NKAIN2: variants seen among roughly 807,000 people sequenced by gnomAD.
The protein encoded by NKAIN2 is sodium/potassium-transporting ATPase subunit beta-1-interacting protein 2.
A neutral mutation model predicts 32.6 loss-of-function variants in NKAIN2; 14 were observed. The observed-to-expected ratio is 0.43, with a 90% CI of 0.28 to 0.67. The LOEUF is 0.67. Ranked by LOEUF, NKAIN2 falls within the 30% of genes least tolerant of loss-of-function variation. The pLI is 0.17. For synonymous variants in NKAIN2, 80 were observed against 87.2 expected (o/e 0.92, Z 0.46); for missense variants, 198 against 258.3 (o/e 0.77, Z 1.60).
chr6:124,377,760 A>G (rs539261725), intron 3 of NKAIN2, among the ~76,000 whole-genome samples: 1 of 152,308 alleles, frequency 6.6e-6, no homozygotes, highest in South Asian at 2.1e-4. Context: ...GGAATGACAT[A>G]AAATAGTTTG....
intron 3 of NKAIN2, among the ~76,000 whole-genome samples, chr6:124,392,295 G>T (rs61130502): frequency 6.6e-6 from 1 of 152,118 alleles, no homozygotes; most frequent in South Asian, 2.1e-4. Context: ...GTAATATTCA[G>T]TACCTAATAC....
At chr6:123,886,477 G>C (rs1773718943) in intron 1 of NKAIN2, among the ~76,000 whole-genome samples, 1 of 151,976 alleles carries the variant, frequency 6.6e-6, no homozygotes, top group Non-Finnish European at 1.5e-5. Context: ...GTTTACATAG[G>C]AAAAAACTTA....
chr6:124,300,581 A>C (rs944772670), intron 2 of NKAIN2, among the ~76,000 whole-genome samples: 5 of 152,218 alleles, frequency 3.3e-5, no homozygotes, highest in African/African-American at 9.6e-5. Context: ...AAGTCTCAGA[A>C]GAAGATAAGA....
intron 1 of NKAIN2, among the ~76,000 whole-genome samples, chr6:124,140,498 GA>G (rs1368568500): frequency 3.9e-5 from 6 of 152,048 alleles, no homozygotes; most frequent in African/African-American, 1.4e-4. Flanking sequence ...AAGAATAATT[GA>G]AAATACGTGC....
At chr6:123,811,728 A>C (rs1773481819) in intron 1 of NKAIN2, among the ~76,000 whole-genome samples, 1 of 152,106 alleles carries the variant, frequency 6.6e-6, no homozygotes, top group Admixed American at 6.6e-5. Flanking sequence ...CCATCTAGTG[A>C]GCCCAGGAGT....
chr6:124,629,823 C>G (rs1277942880), intron 3 of NKAIN2, among the ~76,000 whole-genome samples: 2 of 152,124 alleles, frequency 1.3e-5, no homozygotes, highest in African/African-American at 4.8e-5. Context: ...ATCCTATTAA[C>G]TTGACAAATG....
At chr6:123,959,152 A>T (rs1351996617) in intron 1 of NKAIN2, among the ~76,000 whole-genome samples, 1 of 152,202 alleles carries the variant, frequency 6.6e-6, no homozygotes, top group African/African-American at 2.4e-5. Flanking sequence ...AGGTTTTGCC[A>T]GGTGTCTACT....
intron 4 of NKAIN2, among the ~76,000 whole-genome samples, chr6:124,751,736 TA>T (rs1305393291): frequency 2.0e-5 from 3 of 151,536 alleles, no homozygotes; most frequent in Non-Finnish European, 4.4e-5. Flanking sequence ...CCTAACACTT[TA>T]GGAGGCTAAG....
chr6:124,704,855 C>A (rs1583679307), intron 4 of NKAIN2, among the ~76,000 whole-genome samples: 2 of 151,892 alleles, frequency 1.3e-5, no homozygotes, highest in African/African-American at 2.4e-5. Context: ...GAAATGGAAA[C>A]AACAGAGGGA....
At chr6:124,634,401 C>G (rs562383394) in intron 3 of NKAIN2, among the ~76,000 whole-genome samples, 2 of 152,050 alleles carry the variant, frequency 1.3e-5, no homozygotes, top group South Asian at 2.1e-4. Flanking sequence ...AGAAATAGAT[C>G]TAATAATAAA....
chr6:124,740,510 A>G (rs1194352932), intron 4 of NKAIN2, among the ~76,000 whole-genome samples: 1 of 151,434 alleles, frequency 6.6e-6, no homozygotes, highest in East Asian at 2.0e-4. Context: ...TGAGCATGGT[A>G]CAGAAACAGA....
intron 1 of NKAIN2, among the ~76,000 whole-genome samples, chr6:124,148,360 C>T (rs1787525916): frequency 6.6e-6 from 1 of 152,004 alleles, no homozygotes; most frequent in Admixed American, 6.6e-5. Context: ...AAATGTAGAA[C>T]ATTTCATCAA....
chr6:124,474,479 T>A (rs1469659993), intron 3 of NKAIN2, among the ~76,000 whole-genome samples: 2 of 152,090 alleles, frequency 1.3e-5, no homozygotes, highest in Non-Finnish European at 2.9e-5. Context: ...TTCTGCACTT[T>A]AAGTATTACT....
At chr6:124,797,109 T>G (rs995695966) in intron 5 of NKAIN2, among the ~76,000 whole-genome samples, 1 of 149,818 alleles carries the variant, frequency 6.7e-6, no homozygotes, top group African/African-American at 2.5e-5. Flanking sequence ...TTAGCACTGT[T>G]CGATGTGGCA....
intron 3 of NKAIN2, among the ~76,000 whole-genome samples, chr6:124,574,057 T>C (rs1379606440): frequency 2.6e-5 from 4 of 152,074 alleles, no homozygotes; most frequent in African/African-American, 9.7e-5. Context: ...ATCTTAGGCA[T>C]TGGGGGCAAT....
intron 1 of NKAIN2, among the ~76,000 whole-genome samples, chr6:123,930,957 G>C (rs1473444423): frequency 1.3e-5 from 2 of 152,088 alleles, no homozygotes; most frequent in Admixed American, 1.3e-4. Flanking sequence ...CATAATCTCA[G>C]GTGATTTCAG....
chr6:124,687,250 TA>T (rs1773948767), intron 4 of NKAIN2, among the ~76,000 whole-genome samples: 8 of 143,516 alleles, frequency 5.6e-5, no homozygotes, highest in African/African-American at 2.1e-4. Flanking sequence ...ATATATATAT[TA>T]CCTATATATA....
In NKAIN2 at chr6:124,478,888, CT is replaced by C. The variant is rs1777338081; in HGVS notation, c.273+123542del. ...AAGAGTAATTTTACAGTGGAGAAAC[CT>C]GAAAAACATCACTTTAGCCAGATAA... On this transcript the variant is annotated intron_variant, in intron 3 of 6. Coordinates refer to ENST00000368417, the MANE Select transcript of NKAIN2 (RefSeq NM_001040214.3). Among the ~76,000 whole-genome samples the C allele has an allele frequency of 2.0e-5, 3 of 152,156 alleles. No homozygotes were observed. The South Asian group carries it at 6.2e-4, about 32-fold the overall frequency.
At chr6:124,475,636 T>A (rs1336720696) in intron 3 of NKAIN2, among the ~76,000 whole-genome samples, 2 of 152,188 alleles carry the variant, frequency 1.3e-5, no homozygotes, top group South Asian at 4.1e-4. Flanking sequence ...TGCACAGCTC[T>A]GTAACTAGAC....
Sources: gnomAD v4.1 joint callset for allele counts (sites outside exome capture counted in the v4.1 genomes callset) on GRCh38, gnomAD v4.1.1 for gene constraint, MANE v1.5 for transcripts, NCBI Gene and HGNC (gene_info 2026-07-23, HGNC 2026-07-21) for gene names.